The following SHROOM3 variants were observed in gnomAD, a reference collection of about 807,000 sequenced individuals.
The protein encoded by SHROOM3 is protein Shroom3.
A neutral mutation model predicts 138.6 loss-of-function variants in SHROOM3; 47 were observed. The ratio of observed to expected loss-of-function variants is 0.34; its 90% CI spans 0.27 to 0.43. The LOEUF (loss-of-function observed/expected upper bound fraction) is 0.43. SHROOM3 is among the 20% of genes least tolerant of loss of function. SHROOM3 has a pLI of 1.00. For missense variants in SHROOM3, 2,491 were observed against 2,596.5 expected (o/e 0.96, Z 0.88); for synonymous variants, 1,062 against 1,063.3 (o/e 1.00, Z 0.02).
In SHROOM3 at chr4:76,756,892, A is replaced by G; in HGVS notation, c.5153A>G (p.Lys1718Arg). The part of the protein sequence containing the change: ...NLLKENSVKR[K>R]AIQRTVSSSG... ...CTGAAGGAAAACAGTGTAAAGAGGA[A>G]GGCCATACAGAGAACTGTCAGCTCT... Residue 1718 changes from lysine to arginine, a missense_variant, in exon 8 of 11, where the codon AAG becomes AGG. Transcript: ENST00000296043. 6.2e-7 allele frequency: 1 copy of G among 1,614,166 alleles called. No homozygotes were observed. The highest frequency in any genetic ancestry group is 8.5e-7 in the Non-Finnish European group (1 of 1,180,030).
chr4:76,640,836 AG>A (rs2110080741), intron 2 of SHROOM3, among the ~76,000 whole-genome samples: 1 of 152,298 alleles, frequency 6.6e-6, no homozygotes, highest in South Asian at 2.1e-4. Flanking sequence ...AAAAAAGGAG[AG>A]CTGCAGGCTA....
At chr4:76,463,358 T>G (rs1731181320) in intron 1 of SHROOM3, among the ~76,000 whole-genome samples, 1 of 152,228 alleles carries the variant, frequency 6.6e-6, no homozygotes, top group Non-Finnish European at 1.5e-5. Context: ...ATTCAGGAAG[T>G]GGCCTGGCTG....
chr4:76,780,756 G>C lies in SHROOM3; in HGVS notation c.*1579G>C, dbSNP rs7661695. The C allele has an allele frequency of 6.6e-6, 1 of 151,956 alleles. No homozygotes were observed. The highest frequency in any genetic ancestry group is 1.5e-5 in the Non-Finnish European group (1 of 68,006). The allele number at this position is 151,956 out of a possible 1,614,324, so 9.4% of individuals were successfully genotyped here. Reference sequence around the variant, plus strand: ...CTTTGTTCTTTGGAGCTTATATACTGCATGACTCCATTGATACAAATAAGA... The same window carrying C: ...CTTTGTTCTTTGGAGCTTATATACTCCATGACTCCATTGATACAAATAAGA... On this transcript the variant is annotated 3_prime_UTR_variant, in exon 11 of 11. Transcript: ENST00000296043.
intron 2 of SHROOM3, among the ~76,000 whole-genome samples, chr4:76,696,465 C>A (rs1194090196): frequency 6.6e-6 from 1 of 152,162 alleles, no homozygotes; most frequent in Non-Finnish European, 1.5e-5. Context: ...GAAATGGGGT[C>A]ACAGTCCAGT....
At position 76,522,703 on chromosome 4, in the gene SHROOM3, G is replaced by A. The variant is rs533219706; in HGVS notation, c.169-32906G>A. Among the ~76,000 whole-genome samples, 14 of 152,214 alleles carry A rather than the reference G, an allele frequency of 9.2e-5. No individual in the cohort carries two copies. In the South Asian group the frequency reaches 1.5e-3, roughly 16 times the overall value. On this transcript the variant is annotated intron_variant, in intron 1 of 10. Coordinates refer to ENST00000296043, the MANE Select transcript of SHROOM3 (RefSeq NM_020859.4). ...CTCAGGAGGCTGAGACAGGAGAATC[G>A]CTTGAACCTGGGAGGCAGAGGTTGC...
intron 2 of SHROOM3, among the ~76,000 whole-genome samples, chr4:76,609,169 G>A (rs1734709597): frequency 6.6e-6 from 1 of 152,208 alleles, no homozygotes; most frequent in South Asian, 2.1e-4. Flanking sequence ...CCTGATAACT[G>A]AATGGAGAAG....
chr4:76,660,971 TTA>T (rs1736172361), intron 2 of SHROOM3, among the ~76,000 whole-genome samples: 1 of 151,646 alleles, frequency 6.6e-6, no homozygotes, highest in Admixed American at 6.6e-5. Flanking sequence ...GCTTAATTTT[TTA>T]TGTTTTGTAA....
At position 76,435,911 on chromosome 4, in the gene SHROOM3, G is replaced by A. The variant is rs968497968; in HGVS notation, c.-142G>A. ...AGTTCAGCTTGGAAGAACATTTTAC[G>A]TATGGAAGAATTTGCTTCTCCAAAC... On this transcript the variant is annotated 5_prime_UTR_variant, in exon 1 of 11. Coordinates refer to ENST00000296043, the MANE Select transcript of SHROOM3 (RefSeq NM_020859.4). 1.2e-5 allele frequency: 9 copies of A among 730,876 alleles called. No individual in the cohort carries two copies. The highest frequency in any genetic ancestry group is 3.3e-4 in the Middle Eastern group (1 of 2,986). 45.3% of individuals were successfully genotyped at this position (730,876 alleles called of 1,614,324 possible).
At chr4:76,567,351 A>G (rs1405285902) in intron 2 of SHROOM3, among the ~76,000 whole-genome samples, 2 of 152,156 alleles carry the variant, frequency 1.3e-5, no homozygotes, top group Non-Finnish European at 2.9e-5. Flanking sequence ...CCTGGCCAAC[A>G]TGGTGAAACC....
chr4:76,569,013 G>T (rs1733783485), intron 2 of SHROOM3, among the ~76,000 whole-genome samples: 1 of 152,196 alleles, frequency 6.6e-6, no homozygotes, highest in African/African-American at 2.4e-5. Flanking sequence ...CTTGGGTTTG[G>T]CACACTGTTA....
chr4:76,756,988 T>C (rs747175613), intron 8 of SHROOM3, 51 bp downstream of exon 8: 4 of 1,612,400 alleles, frequency 2.5e-6, no homozygotes, highest in East Asian at 4.5e-5. Flanking sequence ...ACTCCTTCCA[T>C]GGGGATGATG....
intron 3 of SHROOM3, 104 bp downstream of exon 3, chr4:76,710,391 C>T (rs774192662): frequency 3.6e-6 from 5 of 1,407,380 alleles, no homozygotes; most frequent in African/African-American, 1.4e-5. Context: ...GGTCAGGATA[C>T]AGGCTGTTGA....
intron 4 of SHROOM3, among the ~76,000 whole-genome samples, chr4:76,732,264 G>T (rs1191751423): frequency 1.3e-5 from 2 of 152,228 alleles, no homozygotes; most frequent in Non-Finnish European, 2.9e-5. Flanking sequence ...GTGTGCATGT[G>T]TGTTGGGGGG....
intron 2 of SHROOM3, among the ~76,000 whole-genome samples, chr4:76,609,632 G>C (rs569895693): frequency 2.6e-5 from 4 of 152,228 alleles, no homozygotes; most frequent in Non-Finnish European, 5.9e-5. Context: ...AAAGAAATGT[G>C]AAAAAACAAA....
intron 2 of SHROOM3, among the ~76,000 whole-genome samples, chr4:76,665,654 A>T (rs995295206): frequency 1.1e-4 from 16 of 152,206 alleles, no homozygotes; most frequent in Admixed American, 7.2e-4. Flanking sequence ...TGGCACTTTC[A>T]TCTGTCTCTC....
At chr4:76,609,659 T>C (rs1199127731) in intron 2 of SHROOM3, among the ~76,000 whole-genome samples, 1 of 152,216 alleles carries the variant, frequency 6.6e-6, no homozygotes. Flanking sequence ...TGTAAACTCT[T>C]AGTTTCCTTT....
chr4:76,537,823 CA>C (rs1261731073), intron 1 of SHROOM3, among the ~76,000 whole-genome samples: 2 of 152,140 alleles, frequency 1.3e-5, no homozygotes, highest in Admixed American at 6.5e-5. Flanking sequence ...TTTTTTAGGG[CA>C]TGATAAATTG....
intron 1 of SHROOM3, among the ~76,000 whole-genome samples, chr4:76,528,426 A>C (rs1304128085): frequency 6.8e-6 from 1 of 147,982 alleles, no homozygotes; most frequent in Non-Finnish European, 1.5e-5. Context: ...CAAGCAAATC[A>C]TCCTGCCTCA....
At chr4:76,457,788 C>A (rs1165630917) in intron 1 of SHROOM3, among the ~76,000 whole-genome samples, 2 of 149,000 alleles carry the variant, frequency 1.3e-5, no homozygotes, top group Admixed American at 6.7e-5. Context: ...CCGAGCCTGG[C>A]TTTTCTTTTC....
Sources: allele counts gnomAD v4.1 joint callset (sites outside exome capture counted in the v4.1 genomes callset), GRCh38; gene constraint gnomAD v4.1.1; transcripts MANE v1.5; gene names NCBI Gene and HGNC (gene_info 2026-07-23, HGNC 2026-07-21).